The following PIGK variants were observed in gnomAD, a reference collection of about 807,000 sequenced individuals.
PIGK encodes the protein GPI-anchor transamidase.
PIGK carries 42 observed loss-of-function variants against 50.6 expected under a neutral mutation model. The ratio of observed to expected loss-of-function variants is 0.83; its 90% CI spans 0.65 to 1.07. The LOEUF is 1.07. PIGK is among the 50% of genes least tolerant of loss of function. The probability of loss-of-function intolerance (pLI) is 0.00; values close to 1 mark genes in which losing one functional copy is unlikely to be tolerated. For synonymous variants in PIGK, 151 were observed against 156.0 expected (o/e 0.97, Z 0.24); for missense variants, 448 against 488.7 (o/e 0.92, Z 0.78).
intron 2 of PIGK, among the ~76,000 whole-genome samples, chr1:77,209,637 G>A (rs148820543): frequency 7.2e-4 from 109 of 152,160 alleles, no homozygotes; most frequent in African/African-American, 2.6e-3. Context: ...GTATAAGAAT[G>A]TTCAACACAG....
At chr1:77,166,895 T>C (rs1655247529) in intron 4 of PIGK, 65 bp from the exon 5 acceptor site, 3 of 789,728 alleles carry the variant, frequency 3.8e-6, no homozygotes, top group Non-Finnish European at 6.4e-6. Flanking sequence ...CAAATTACTT[T>C]TTACTTTCAA....
At chr1:77,207,135 C>A (rs1656306088) in intron 2 of PIGK, among the ~76,000 whole-genome samples, 1 of 152,120 alleles carries the variant, frequency 6.6e-6, no homozygotes, top group Non-Finnish European at 1.5e-5. Context: ...CCACTGCACT[C>A]CAGCCTTGTC....
At chr1:77,188,741 A>G (rs1263296191) in intron 3 of PIGK, among the ~76,000 whole-genome samples, 1 of 152,094 alleles carries the variant, frequency 6.6e-6, no homozygotes, top group South Asian at 2.1e-4. Flanking sequence ...TCTCCCCTGG[A>G]TGCCCAGCTT....
chr1:77,110,511 A>G (rs1653812929), intron 10 of PIGK, among the ~76,000 whole-genome samples: 1 of 152,212 alleles, frequency 6.6e-6, no homozygotes, highest in African/African-American at 2.4e-5. Flanking sequence ...AACAAGGGAA[A>G]GGATTCCCTA....
chr1:77,148,958 G>T (rs935329915), intron 9 of PIGK, among the ~76,000 whole-genome samples: 26 of 151,014 alleles, frequency 1.7e-4, no homozygotes, highest in African/African-American at 6.3e-4. Context: ...CTAGTGATCT[G>T]CCCACCTTGG....
intron 3 of PIGK, among the ~76,000 whole-genome samples, chr1:77,192,448 T>A (rs751719048): frequency 9.2e-5 from 14 of 152,174 alleles, no homozygotes; most frequent in Non-Finnish European, 1.9e-4. Context: ...TATTTTAGAT[T>A]CCACATTGCA....
chr1:77,129,407 A>G, intron 9 of PIGK: 3 of 1,476,930 alleles, frequency 2.0e-6, no homozygotes, highest in South Asian at 2.3e-5. Flanking sequence ...TTAAAAACAC[A>G]GAGAGTAATG....
At chr1:77,214,452 A>G (rs866412860) in intron 1 of PIGK, among the ~76,000 whole-genome samples, 1 of 152,172 alleles carries the variant, frequency 6.6e-6, no homozygotes, top group Non-Finnish European at 1.5e-5. Flanking sequence ...AAAATTCAAC[A>G]TCCCCTCACG....
chr1:77,216,640 T>G (rs932342878), intron 1 of PIGK, among the ~76,000 whole-genome samples: 6 of 150,356 alleles, frequency 4.0e-5, no homozygotes, highest in South Asian at 2.1e-4. Flanking sequence ...TGTGGGGGGG[T>G]GTGTGTGTGT....
chr1:77,189,734 TATATATATATATATACAC>T (rs1379843945), intron 3 of PIGK, among the ~76,000 whole-genome samples: 112 of 32,210 alleles, frequency 3.5e-3, no homozygotes, highest in African/African-American at 0.01. Context: ...TATATATATA[TATATATATATATATACAC>T]ACACACACAC....
In PIGK at chr1:77,195,342, G is replaced by C. The variant is rs557412723; in HGVS notation, c.239+11298C>G. Reference sequence around the variant, plus strand: ...AGGGCAAGACCACCAAGTTGAGCCAGCGGGCGGAGGCACAGGCACTTCTCC... The same window carrying C: ...AGGGCAAGACCACCAAGTTGAGCCACCGGGCGGAGGCACAGGCACTTCTCC... On this transcript the variant is annotated intron_variant, in intron 3 of 10. Coordinates refer to ENST00000370812, the MANE Select transcript of PIGK (RefSeq NM_005482.3). 938 of 1,280,056 alleles carry C rather than the reference G, an allele frequency of 7.3e-4. 1 individual carries two copies. The highest frequency in any genetic ancestry group is 9.6e-4 in the Non-Finnish European group (854 of 893,946). 79.3% of individuals were successfully genotyped at this position (1,280,056 alleles called of 1,614,324 possible).
At chr1:77,149,727 A>G (rs980738935) in intron 9 of PIGK, among the ~76,000 whole-genome samples, 1 of 152,156 alleles carries the variant, frequency 6.6e-6, no homozygotes, top group Admixed American at 6.5e-5. Context: ...ATTGGAGTCT[A>G]TACTCTAGAC....
intron 1 of PIGK, among the ~76,000 whole-genome samples, chr1:77,218,749 T>A (rs189561749): frequency 1.7e-3 from 260 of 152,204 alleles, no homozygotes; most frequent in African/African-American, 6.0e-3. Flanking sequence ...CACCAGAACA[T>A]CCTGTGTCCA....
At chr1:77,139,769 T>C (rs1004796844) in intron 9 of PIGK, among the ~76,000 whole-genome samples, 2 of 152,222 alleles carry the variant, frequency 1.3e-5, no homozygotes, top group East Asian at 1.9e-4. Context: ...TTTTAAAATA[T>C]AATTTATAGT....
intron 10 of PIGK, among the ~76,000 whole-genome samples, chr1:77,118,480 G>C (rs996106813): frequency 1.3e-5 from 2 of 152,128 alleles, no homozygotes; most frequent in Non-Finnish European, 2.9e-5. Flanking sequence ...TCGATGTATA[G>C]AAATTTAACA....
chr1:77,127,357 A>T (rs1361855706), intron 9 of PIGK, among the ~76,000 whole-genome samples: 2 of 152,220 alleles, frequency 1.3e-5, no homozygotes, highest in African/African-American at 4.8e-5. Context: ...CAGAAAGAGT[A>T]AAGTTTATAT....
intron 3 of PIGK, among the ~76,000 whole-genome samples, chr1:77,169,696 G>C (rs1369089145): frequency 6.6e-6 from 1 of 152,008 alleles, no homozygotes; most frequent in Non-Finnish European, 1.5e-5. Context: ...ATAAACTTAT[G>C]AACAGAATTT....
chr1:77,196,766 T>C (rs972737259), intron 3 of PIGK, among the ~76,000 whole-genome samples: 2 of 152,172 alleles, frequency 1.3e-5, no homozygotes, highest in African/African-American at 2.4e-5. Context: ...ACTCTGTAGG[T>C]TGTCCGTTTA....
chr1:77,154,383 T>A lies in PIGK; in HGVS notation c.986+66A>T, dbSNP rs1245550557. On this transcript the variant is annotated intron_variant, in intron 9 of 10. Coordinates refer to ENST00000370812, the MANE Select transcript of PIGK (RefSeq NM_005482.3). The stretch of plus-strand genomic sequence containing the variant: ...CACCAACTTTTGCCTCTTAATACAA[T>A]GTTTCAAAAAAATGTACAAACTGTG... The A allele has an allele frequency of 2.4e-6, 3 of 1,249,386 alleles. No homozygotes were observed. In the African/African-American group the frequency reaches 4.5e-5, roughly 19 times the overall value. 77.4% of individuals were successfully genotyped at this position (1,249,386 alleles called of 1,614,324 possible).
Sources: allele counts gnomAD v4.1 joint callset (sites outside exome capture counted in the v4.1 genomes callset), GRCh38; gene constraint gnomAD v4.1.1; transcripts MANE v1.5; gene names NCBI Gene and HGNC (gene_info 2026-07-23, HGNC 2026-07-21).